CEMIP: variants seen among roughly 807,000 people sequenced by gnomAD.
CEMIP encodes cell migration-inducing and hyaluronan-binding protein.
Under a neutral mutation model 156.9 loss-of-function variants are expected in CEMIP, and 105 were observed. The ratio of observed to expected loss-of-function variants is 0.67; its 90% CI spans 0.57 to 0.79. CEMIP has a LOEUF of 0.79. Among genes scored for constraint, CEMIP ranks in the 30% least tolerant of loss-of-function variants. The pLI, the probability that CEMIP is intolerant of heterozygous loss-of-function variation, is 0.00. For synonymous variants in CEMIP, 676 were observed against 668.4 expected, an observed-to-expected ratio of 1.01 and a Z score of -0.17; for missense variants, 1,457 against 1,769.4, an observed-to-expected ratio of 0.82 and a Z score of 3.17.
intron 12 of CEMIP, chr15:80,900,815 G>GCCCC: frequency 2.7e-6 from 1 of 368,854 alleles, no homozygotes; most frequent in Non-Finnish European, 5.4e-6. Context: ...TTTTCTGTGA[G>GCCCC]CCCCACCCAC....
intron 25 of CEMIP, among the ~76,000 whole-genome samples, chr15:80,940,223 T>C (rs1435014470): frequency 6.6e-6 from 1 of 152,240 alleles, no homozygotes; most frequent in Non-Finnish European, 1.5e-5. Context: ...TCCAGGGCTT[T>C]GCAGTTCAGC....
At chr15:80,860,760 C>T (rs1722286138) in intron 1 of CEMIP, among the ~76,000 whole-genome samples, 1 of 152,142 alleles carries the variant, frequency 6.6e-6, no homozygotes, top group South Asian at 2.1e-4. Context: ...GTGTTCACGT[C>T]TTATCACCCT....
intron 18 of CEMIP, 152 bp from the exon 19 acceptor site, chr15:80,925,472 T>C (rs781314334): frequency 1.5e-4 from 156 of 1,038,714 alleles, no homozygotes; most frequent in Non-Finnish European, 2.4e-5. Context: ...AGAAAGTTCA[T>C]TCAAGAGCCC....
intron 22 of CEMIP, 99 bp from the exon 23 acceptor site, chr15:80,933,146 G>A: frequency 1.9e-6 from 2 of 1,063,466 alleles, no homozygotes; most frequent in Non-Finnish European, 2.9e-6. Context: ...TGGCTGGCTT[G>A]TAACGTCAGT....
intron 25 of CEMIP, among the ~76,000 whole-genome samples, chr15:80,939,272 C>T (rs1901251336): frequency 6.6e-6 from 1 of 152,178 alleles, no homozygotes; most frequent in South Asian, 2.1e-4. Flanking sequence ...CCAGAGTGCC[C>T]CTGCTCTACG....
In CEMIP at chr15:80,900,441, C is replaced by T. The variant is rs943113267; in HGVS notation, c.1411+4381C>T. On this transcript the variant is annotated intron_variant, in intron 12 of 29. Transcript: ENST00000394685. ...GGTTAGCACTGCCTGTGCTTGTTTC[C>T]GCGTTAGCCCCACCCCAGCCTACCT... 7.2e-5 allele frequency among the ~76,000 whole-genome samples: 11 copies of T among 152,084 alleles called. No individual in the cohort carries two copies. The East Asian group carries it at 1.2e-3, about 16-fold the overall frequency.
chr15:80,842,859 A>G (rs1897460338), intron 1 of CEMIP, among the ~76,000 whole-genome samples: 1 of 152,210 alleles, frequency 6.6e-6, no homozygotes, highest in Non-Finnish European at 1.5e-5. Context: ...GGAATGAGGA[A>G]GAGATGGATT....
chr15:80,947,026 C>T lies in CEMIP; in HGVS notation c.3919C>T (p.Leu1307=), dbSNP rs1901585901. 1 of 1,613,994 alleles carries T rather than the reference C, an allele frequency of 6.2e-7. No homozygotes were observed. The highest frequency in any genetic ancestry group is 8.5e-7 in the Non-Finnish European group (1 of 1,179,870). Residue 1307 remains leucine, a synonymous_variant, in exon 29 of 30, where the codon CTG becomes TTG. Coordinates refer to ENST00000394685, the MANE Select transcript of CEMIP (RefSeq NM_001293298.2). ...YVSRGPWTRV[L]EKLGADRGLK... ...CTCCAGAGGCCCATGGACCAGAGTG[C>T]TGGAAAAGCTTGGGGCAGACAGGGG...
chr15:80,895,349 A>G (rs1039474421), intron 11 of CEMIP, among the ~76,000 whole-genome samples: 7 of 152,322 alleles, frequency 4.6e-5, no homozygotes, highest in Admixed American at 1.3e-4. Flanking sequence ...AAGGCAGTCA[A>G]GGTACAAATG....
chr15:80,876,886 A>G (rs1898496465), intron 3 of CEMIP, among the ~76,000 whole-genome samples: 4 of 152,218 alleles, frequency 2.6e-5, no homozygotes, highest in Admixed American at 2.6e-4. Context: ...ATTGCACTGT[A>G]TTAGTCTGTT....
chr15:80,946,201 C>A (rs992416636), intron 28 of CEMIP: 2 of 152,308 alleles, frequency 1.3e-5, no homozygotes, highest in African/African-American at 4.8e-5. Context: ...GCTCTTCCTG[C>A]AGCTCAGAGA....
chr15:80,781,438 T>C (rs772047928), intron 1 of CEMIP, among the ~76,000 whole-genome samples: 24 of 152,204 alleles, frequency 1.6e-4, no homozygotes, highest in African/African-American at 2.7e-4. Context: ...GTTGGTCACT[T>C]GAAACAGGGT....
At chr15:80,916,194 C>T (rs1171286802) in intron 14 of CEMIP, among the ~76,000 whole-genome samples, 3 of 152,216 alleles carry the variant, frequency 2.0e-5, no homozygotes, top group Non-Finnish European at 2.9e-5. Flanking sequence ...CTACTAATCA[C>T]ACCTCCTTCA....
At chr15:80,914,421 C>CCTCTT (rs1900184472) in intron 14 of CEMIP, among the ~76,000 whole-genome samples, 2 of 152,198 alleles carry the variant, frequency 1.3e-5, no homozygotes, top group Non-Finnish European at 2.9e-5. Flanking sequence ...ATGCTTGAAA[C>CCTCTT]CAGGATGTCC....
rs1455826432 is a variant in CEMIP at position 80,949,098 on chromosome 15, C to T, written c.*174C>T. On this transcript the variant is annotated 3_prime_UTR_variant, in exon 30 of 30. Coordinates refer to ENST00000394685, the MANE Select transcript of CEMIP (RefSeq NM_001293298.2). ...TCAGAGACCCTGGTGCTGCCACCTG[C>T]CCCTACTCAAGTGTCTACCTGGAGC... The T allele has an allele frequency of 7.3e-6, 6 of 821,744 alleles. No individual in the cohort carries two copies. Among genetic ancestry groups the T allele is most frequent in the Non-Finnish European group, 8.1e-6 (4 of 496,794 alleles). 50.9% of individuals were successfully genotyped at this position (821,744 alleles called of 1,614,324 possible). A position where few individuals can be genotyped will look rare whatever the true frequency, so the allele number is the denominator to read the frequency against.
At chr15:80,785,074 G>C (rs1022249887) in intron 1 of CEMIP, among the ~76,000 whole-genome samples, 1 of 152,086 alleles carries the variant, frequency 6.6e-6, no homozygotes, top group African/African-American at 2.4e-5. Flanking sequence ...ACTTTTCCCT[G>C]TCATAATAAA....
intron 1 of CEMIP, among the ~76,000 whole-genome samples, chr15:80,839,389 G>A (rs1215110030): frequency 6.6e-6 from 1 of 151,342 alleles, no homozygotes; most frequent in African/African-American, 2.4e-5. Context: ...GACAAACAAG[G>A]GCAGCTTGTC....
Position 80,888,774 on chromosome 15 carries a change from T to G in CEMIP, c.942T>G (p.Ser314=). ...AGCATGGCGAATATTTCAATGTTTCTTTGTCCAGTGAGTGGGTTCAAGGTG... is the reference window on the plus strand; with the variant it reads ...AGCATGGCGAATATTTCAATGTTTCGTTGTCCAGTGAGTGGGTTCAAGGTG... The part of the protein sequence containing the change: ...QTEHGEYFNV[S]LSSEWVQDVE... The change falls in exon 9 of 30, where the codon TCT becomes TCG. Residue 314 remains serine, a synonymous_variant. Coordinates refer to ENST00000394685, the MANE Select transcript of CEMIP (RefSeq NM_001293298.2). 6.2e-7 allele frequency: 1 copy of G among 1,614,138 alleles called. No homozygotes were observed. Among genetic ancestry groups the G allele is most frequent in the Non-Finnish European group, 8.5e-7 (1 of 1,180,004 alleles).
chr15:80,850,980 G>A (rs1897703188), intron 1 of CEMIP, among the ~76,000 whole-genome samples: 2 of 152,248 alleles, frequency 1.3e-5, no homozygotes, highest in Non-Finnish European at 2.9e-5. Flanking sequence ...GACTGGTACT[G>A]AGTAACTTTC....
Sources: allele counts gnomAD v4.1 joint callset (sites outside exome capture counted in the v4.1 genomes callset), GRCh38; gene constraint gnomAD v4.1.1; transcripts MANE v1.5; gene names NCBI Gene and HGNC (gene_info 2026-07-23, HGNC 2026-07-21).